SORD: variants seen among roughly 807,000 people sequenced by gnomAD.
The protein encoded by SORD is (R,R)-butanediol dehydrogenase.
In SORD, 18 loss-of-function variants were observed where a neutral mutation model predicts 35.6. That is an observed-to-expected ratio of 0.51 (90% CI 0.35 to 0.75). The LOEUF is 0.75. Among genes scored for constraint, SORD ranks in the 30% least tolerant of loss-of-function variants. The pLI, the probability that SORD is intolerant of heterozygous loss-of-function variation, is 0.01. For missense variants in SORD, 250 were observed against 390.2 expected (o/e 0.64, Z 3.03); for synonymous variants, 106 against 152.9 (o/e 0.69, Z 2.26).
intron 3 of SORD, among the ~76,000 whole-genome samples, chr15:45,054,490 T>C (rs1169005092): frequency 6.6e-6 from 1 of 152,120 alleles, no homozygotes; most frequent in East Asian, 1.9e-4. Context: ...TTTGATGGGG[T>C]TGTTTGTCTT....
chr15:45,035,320 G>A (rs1236356477), intron 1 of SORD, among the ~76,000 whole-genome samples: 2 of 152,180 alleles, frequency 1.3e-5, no homozygotes, highest in Admixed American at 1.3e-4. Context: ...GAACTTGGAG[G>A]ACCTTTATGT....
intron 1 of SORD, among the ~76,000 whole-genome samples, chr15:45,039,266 C>G (rs1179793376): frequency 6.6e-6 from 1 of 152,076 alleles, no homozygotes; most frequent in East Asian, 1.9e-4. Flanking sequence ...GTAGCTGAGA[C>G]TACAGGCGCG....
chr15:45,069,340 G>A (rs978322396), intron 7 of SORD, among the ~76,000 whole-genome samples: 3 of 151,354 alleles, frequency 2.0e-5, no homozygotes, highest in East Asian at 1.9e-4. Flanking sequence ...CCGAGTAGCT[G>A]GGACTACGGG....
intron 1 of SORD, among the ~76,000 whole-genome samples, chr15:45,030,094 G>A (rs1892751441): frequency 1.3e-5 from 2 of 152,244 alleles, no homozygotes; most frequent in African/African-American, 4.8e-5. Context: ...ACAAGTTCTT[G>A]ATCCAGTCCC....
chr15:45,068,289 C>T (rs550164631), intron 6 of SORD, 43 bp downstream of exon 6: 35 of 1,433,536 alleles, frequency 2.4e-5, no homozygotes, highest in East Asian at 1.4e-4. Context: ...TGGGAAACAG[C>T]GGGTCCTACT....
chr15:45,024,443 T>C (rs1345314683), intron 1 of SORD, among the ~76,000 whole-genome samples: 1 of 152,140 alleles, frequency 6.6e-6, no homozygotes, highest in Non-Finnish European at 1.5e-5. Context: ...ATAGAACCCT[T>C]GTCCCAGCTG....
rs369265762 is a variant in SORD, at chr15:45,061,137, T to C, written c.336T>C (p.Asn112=). The C allele has an allele frequency of 1.6e-4, 256 of 1,614,030 alleles. No individual in the cohort carries two copies. Among genetic ancestry groups the C allele is most frequent in the Non-Finnish European group, 2.1e-4 (253 of 1,180,016 alleles). Residue 112 remains asparagine, a synonymous_variant, in exon 4 of 9, where the codon AAT becomes AAC. Coordinates refer to ENST00000267814, the MANE Select transcript of SORD (RefSeq NM_003104.6). Reference sequence around the variant, plus strand: ...AATTCTGCAAGATGGGCCGATACAATCTGTCACCTTCCATCTTCTTCTGTG... The same window carrying C: ...AATTCTGCAAGATGGGCCGATACAACCTGTCACCTTCCATCTTCTTCTGTG... ...NDEFCKMGRY[N]LSPSIFFCAT...
chr15:45,054,321 T>C (rs910194249), intron 3 of SORD, among the ~76,000 whole-genome samples: 35 of 151,692 alleles, frequency 2.3e-4, no homozygotes, highest in South Asian at 1.7e-3. Context: ...TTCCTGACTT[T>C]TTAATGATTG....
rs780370721 is a variant in SORD, at chr15:45,073,643, T to C, written c.*113T>C. On this transcript the variant is annotated 3_prime_UTR_variant, in exon 9 of 9. Coordinates refer to ENST00000267814, the MANE Select transcript of SORD (RefSeq NM_003104.6). Reference sequence around the variant, plus strand: ...TCTTTTGAATGTTAAGAATAACTAATACAATTCATTGTGAACAGAAGTCCT... The same window carrying C: ...TCTTTTGAATGTTAAGAATAACTAACACAATTCATTGTGAACAGAAGTCCT... 1 of 1,300,392 alleles carries C rather than the reference T, an allele frequency of 7.7e-7. No homozygotes were observed. Among genetic ancestry groups the C allele is most frequent in the Non-Finnish European group, 1.0e-6 (1 of 958,044 alleles). The allele number at this position is 1,300,392 out of a possible 1,614,324, so 80.6% of individuals were successfully genotyped here. A position where few individuals can be genotyped will look rare whatever the true frequency, so the allele number is the denominator to read the frequency against.
intron 3 of SORD, among the ~76,000 whole-genome samples, chr15:45,045,858 G>T (rs149636312): frequency 6.6e-6 from 1 of 152,132 alleles, no homozygotes; most frequent in South Asian, 2.1e-4. Flanking sequence ...AGAATTAGCT[G>T]GGTGTGGTAG....
At chr15:45,054,750 G>A (rs1325159321) in intron 3 of SORD, among the ~76,000 whole-genome samples, 1 of 152,086 alleles carries the variant, frequency 6.6e-6, no homozygotes, top group African/African-American at 2.4e-5. Flanking sequence ...TAATGCCTAG[G>A]TTTTCTTCTA....
At chr15:45,058,019 G>A (rs1400286826) in intron 3 of SORD, among the ~76,000 whole-genome samples, 1 of 152,172 alleles carries the variant, frequency 6.6e-6, no homozygotes, top group Non-Finnish European at 1.5e-5. Flanking sequence ...TTACTTTCCT[G>A]GTTACTAAGG....
At chr15:45,023,457 T>G (rs919238742) in intron 1 of SORD, 108 bp downstream of exon 1, 1 of 1,009,966 alleles carries the variant, frequency 9.9e-7, no homozygotes, top group Non-Finnish European at 1.3e-6. Flanking sequence ...CCCCGCACCT[T>G]AAGCGCCCTG....
intron 4 of SORD, among the ~76,000 whole-genome samples, 189 bp downstream of exon 4, chr15:45,061,415 G>C (rs1893305115): frequency 6.6e-6 from 1 of 152,198 alleles, no homozygotes; most frequent in Non-Finnish European, 1.5e-5. Flanking sequence ...CTGACTCACA[G>C]TGGTTGGTTT....
Position 45,023,196 on chromosome 15 carries a change from G to C in SORD, c.-88G>C. 8 of 1,152,138 alleles carry C rather than the reference G, an allele frequency of 6.9e-6. No homozygotes were observed. Among genetic ancestry groups the C allele is most frequent in the Non-Finnish European group, 9.4e-6 (8 of 852,938 alleles). 71.4% of individuals were successfully genotyped at this position (1,152,138 alleles called of 1,614,324 possible). A position where few individuals can be genotyped will look rare whatever the true frequency, so the allele number is the denominator to read the frequency against. ...TCTCCCAGGCCCCACCTTCCATCCA[G>C]TGCCCTGGACCCTCGGCTGGGTAGC... On this transcript the variant is annotated 5_prime_UTR_variant, in exon 1 of 9. Transcript: ENST00000267814.
At chr15:45,024,911 C>CT (rs756279210) in intron 1 of SORD, among the ~76,000 whole-genome samples, 3 of 152,256 alleles carry the variant, frequency 2.0e-5, no homozygotes, top group African/African-American at 2.4e-5. Context: ...CCTTGGCCCT[C>CT]TATCTGCTCA....
At chr15:45,047,580 G>A (rs1893064090) in intron 3 of SORD, among the ~76,000 whole-genome samples, 1 of 152,178 alleles carries the variant, frequency 6.6e-6, no homozygotes, top group African/African-American at 2.4e-5. Flanking sequence ...ATGGGCATTT[G>A]GTAAATGGCA....
chr15:45,067,911 T>C (rs1893433391), intron 5 of SORD, among the ~76,000 whole-genome samples: 1 of 152,218 alleles, frequency 6.6e-6, no homozygotes, highest in Non-Finnish European at 1.5e-5. Flanking sequence ...TCTCCACTAG[T>C]GCCCAGGAGT....
intron 1 of SORD, among the ~76,000 whole-genome samples, chr15:45,028,700 G>T (rs1157648383): frequency 6.6e-6 from 1 of 150,922 alleles, no homozygotes; most frequent in Non-Finnish European, 1.5e-5. Flanking sequence ...GGAGGTCCAT[G>T]AAGATATTTC....
Sources: allele counts gnomAD v4.1 joint callset (sites outside exome capture counted in the v4.1 genomes callset), GRCh38; gene constraint gnomAD v4.1.1; transcripts MANE v1.5; gene names NCBI Gene and HGNC (gene_info 2026-07-23, HGNC 2026-07-21).